The following CSMD1 variants were observed in gnomAD, a reference collection of about 807,000 sequenced individuals.
CSMD1 encodes the protein CUB and Sushi multiple domains 1.
A neutral mutation model predicts 417.5 loss-of-function variants in CSMD1; 213 were observed. That is an observed-to-expected ratio of 0.51 (90% CI 0.46 to 0.57). CSMD1 has a LOEUF of 0.57. Ranked by LOEUF, CSMD1 falls within the 20% of genes least tolerant of loss-of-function variation. CSMD1 has a pLI of 0.00. For synonymous variants in CSMD1, 2,862 were observed against 1,736.8 expected (o/e 1.65, Z -16.11); for missense variants, 6,923 against 4,529.7 (o/e 1.53, Z -15.17).
intron 3 of CSMD1, among the ~76,000 whole-genome samples, chr8:4,315,362 G>C (rs367775509): frequency 6.6e-6 from 1 of 152,116 alleles, no homozygotes; most frequent in Non-Finnish European, 1.5e-5. Flanking sequence ...CAGGTGGCAG[G>C]TACCAGCCTG....
intron 1 of CSMD1, among the ~76,000 whole-genome samples, chr8:4,743,147 C>T (rs1196030144): frequency 6.6e-6 from 1 of 152,190 alleles, no homozygotes; most frequent in African/African-American, 2.4e-5. Flanking sequence ...AAACTTTTAA[C>T]AGAGGAGATC....
chr8:3,387,787 C>T (rs1811103267), intron 17 of CSMD1, 105 bp from the exon 18 acceptor site: 6 of 923,356 alleles, frequency 6.5e-6, no homozygotes, highest in African/African-American at 1.7e-5. Context: ...ATAATAAGAC[C>T]TGAAACATTA....
intron 2 of CSMD1, among the ~76,000 whole-genome samples, chr8:4,458,668 T>C (rs1167804246): frequency 1.3e-5 from 2 of 152,226 alleles, no homozygotes; most frequent in Non-Finnish European, 2.9e-5. Flanking sequence ...AAGGTCCTTG[T>C]CTGAAACTAA....
At chr8:4,014,091 T>C (rs1043154948) in intron 4 of CSMD1, among the ~76,000 whole-genome samples, 1 of 152,178 alleles carries the variant, frequency 6.6e-6, no homozygotes, top group Non-Finnish European at 1.5e-5. Context: ...ATCATTTCAA[T>C]GCCCTCAAAC....
At chr8:4,716,178 C>A (rs956309284) in intron 1 of CSMD1, among the ~76,000 whole-genome samples, 1 of 152,158 alleles carries the variant, frequency 6.6e-6, no homozygotes, top group African/African-American at 2.4e-5. Flanking sequence ...AGGAATCCCC[C>A]TGAGCAGGCG....
chr8:4,574,282 T>G (rs911473824), intron 2 of CSMD1, among the ~76,000 whole-genome samples: 1 of 152,170 alleles, frequency 6.6e-6, no homozygotes, highest in East Asian at 1.9e-4. Flanking sequence ...CCTGGTTTGT[T>G]GGATGCAGAA....
chr8:4,233,430 G>A (rs181561985), intron 3 of CSMD1, among the ~76,000 whole-genome samples: 15 of 152,278 alleles, frequency 9.9e-5, no homozygotes, highest in African/African-American at 2.2e-4. Flanking sequence ...ACCTGACCCC[G>A]AATGTGATGG....
At chr8:4,039,985 G>T (rs759188407) in intron 3 of CSMD1, among the ~76,000 whole-genome samples, 2 of 152,140 alleles carry the variant, frequency 1.3e-5, no homozygotes, top group African/African-American at 2.4e-5. Flanking sequence ...CAGGGCACTC[G>T]GTACAGGTTA....
chr8:3,551,091 G>A (rs968258800), intron 10 of CSMD1, among the ~76,000 whole-genome samples: 4 of 152,122 alleles, frequency 2.6e-5, no homozygotes, highest in African/African-American at 9.7e-5. Context: ...GAACAAGGTA[G>A]CAGTTAAGAG....
chr8:4,053,436 T>G (rs191439324), intron 3 of CSMD1, among the ~76,000 whole-genome samples: 4 of 152,222 alleles, frequency 2.6e-5, no homozygotes, highest in Admixed American at 2.6e-4. Context: ...CTTTTTATCA[T>G]GGTCTCGGTG....
chr8:4,430,068 G>C (rs1034206573), intron 2 of CSMD1, among the ~76,000 whole-genome samples: 1 of 152,158 alleles, frequency 6.6e-6, no homozygotes, highest in South Asian at 2.1e-4. Flanking sequence ...AAGTATAAAA[G>C]CAGAAACAAA....
intron 5 of CSMD1, among the ~76,000 whole-genome samples, chr8:3,970,129 C>T (rs1316372258): frequency 6.6e-6 from 1 of 152,188 alleles, no homozygotes; most frequent in Non-Finnish European, 1.5e-5. Flanking sequence ...AATGCTCAAT[C>T]ATGCTCTAAA....
chr8:4,355,371 T>A (rs1801368246), intron 3 of CSMD1, among the ~76,000 whole-genome samples: 1 of 151,350 alleles, frequency 6.6e-6, no homozygotes, highest in Admixed American at 6.6e-5. Context: ...CACACAAAAC[T>A]CTACAAAAAT....
intron 1 of CSMD1, among the ~76,000 whole-genome samples, chr8:4,887,041 T>A (rs561231557): frequency 2.0e-5 from 3 of 152,054 alleles, no homozygotes; most frequent in Non-Finnish European, 2.9e-5. Flanking sequence ...TGATAATCCA[T>A]TTCCAATGTG....
chr8:4,532,632 A>G (rs1796887875), intron 2 of CSMD1, among the ~76,000 whole-genome samples: 1 of 145,962 alleles, frequency 6.9e-6, no homozygotes, highest in Non-Finnish European at 1.5e-5. Flanking sequence ...GTCACTCTGG[A>G]AGAGAAATCC....
chr8:3,985,933 A>AT (rs78621295), intron 5 of CSMD1, among the ~76,000 whole-genome samples: 82,283 of 150,396 alleles, frequency 0.55, 22,695 homozygotes, highest in African/African-American at 0.6. Flanking sequence ...GCATAACTCA[A>AT]TTTTTTTTTC....
intron 1 of CSMD1, among the ~76,000 whole-genome samples, chr8:4,816,091 C>A (rs1803925090): frequency 6.6e-6 from 1 of 152,120 alleles, no homozygotes; most frequent in African/African-American, 2.4e-5. Flanking sequence ...CAGAACTGGG[C>A]AGAATGTGAG....
chr8:4,955,583 G>C (rs1282384129), intron 1 of CSMD1, among the ~76,000 whole-genome samples: 1 of 151,960 alleles, frequency 6.6e-6, no homozygotes, highest in Non-Finnish European at 1.5e-5. Context: ...AGCCTCCCGA[G>C]TAGCTGAGAT....
intron 2 of CSMD1, among the ~76,000 whole-genome samples, chr8:4,629,385 C>T (rs1268923417): frequency 2.0e-5 from 3 of 152,264 alleles, no homozygotes; most frequent in East Asian, 1.9e-4. Context: ...ATTGTTTTAA[C>T]TTGGTTCGAA....
Sources: allele counts gnomAD v4.1 joint callset (sites outside exome capture counted in the v4.1 genomes callset), GRCh38; gene constraint gnomAD v4.1.1; transcripts MANE v1.5; gene names NCBI Gene and HGNC (gene_info 2026-07-23, HGNC 2026-07-21).